Variants in NCKAP5 observed in about 807,000 individuals in gnomAD.
NCKAP5 encodes NCK associated protein 5, also known as nck-associated protein 5.
NCKAP5 carries 92 observed loss-of-function variants against 167.0 expected under a neutral mutation model. The observed-to-expected ratio is 0.55, with a 90% confidence interval of 0.47 to 0.66. The LOEUF is 0.66. NCKAP5 is among the 30% of genes least tolerant of loss of function. The pLI, the probability that NCKAP5 is intolerant of heterozygous loss-of-function variation, is 0.00. For synonymous variants in NCKAP5, 891 were observed against 877.4 expected (o/e 1.02, Z -0.27); for missense variants, 2,378 against 2,315.0 (o/e 1.03, Z -0.56).
In NCKAP5 at chr2:133,323,791, T is replaced by A. The variant is rs573656687; in HGVS notation, c.70-20681A>T. ...AATCACTGTCCCAGCCAAATCACAT[T>A]TGTAAAGGCTGAGGCTCTGTGGACA... On this transcript the variant is annotated intron_variant, in intron 3 of 19. Transcript: ENST00000409261. 1.4e-4 allele frequency among the ~76,000 whole-genome samples: 22 copies of A among 152,306 alleles called. No homozygotes were observed. In the South Asian group the frequency reaches 4.6e-3, roughly 32 times the overall value.
chr2:133,656,425 G>T, the NCKAP5 span, among the ~76,000 whole-genome samples: 2 of 152,180 alleles, frequency 1.3e-5, no homozygotes, highest in African/African-American at 2.4e-5. Flanking sequence ...ACGGAATCCT[G>T]TTATAACAAC....
At chr2:133,622,636 C>T in the NCKAP5 span, among the ~76,000 whole-genome samples, 4 of 152,050 alleles carry the variant, frequency 2.6e-5, no homozygotes, top group Non-Finnish European at 5.9e-5. Flanking sequence ...AACTACAAAA[C>T]ACTGTTGAAA....
intron 6 of NCKAP5, among the ~76,000 whole-genome samples, chr2:133,052,710 C>G (rs867230146): frequency 1.4e-5 from 2 of 147,824 alleles, no homozygotes; most frequent in Admixed American, 6.7e-5. Context: ...AAAAGAGAAA[C>G]TCTGTCACAA....
intron 19 of NCKAP5, among the ~76,000 whole-genome samples, chr2:132,719,627 AG>A (rs1246463918): frequency 2.0e-5 from 3 of 152,240 alleles, no homozygotes; most frequent in African/African-American, 7.2e-5. Context: ...GCAAATTGAC[AG>A]GGTCTAGGGA....
the NCKAP5 span, among the ~76,000 whole-genome samples, chr2:133,605,855 A>G: frequency 6.6e-6 from 1 of 152,186 alleles, no homozygotes; most frequent in East Asian, 1.9e-4. Context: ...CCAAGCTGCA[A>G]TGACCTGGGT....
chr2:133,054,399 T>C (rs2079719538), intron 6 of NCKAP5, among the ~76,000 whole-genome samples: 2 of 152,218 alleles, frequency 1.3e-5, no homozygotes, highest in African/African-American at 4.8e-5. Context: ...GGTTTACTGC[T>C]GGCTGAGGTG....
chr2:133,147,666 A>T (rs955565972), intron 5 of NCKAP5, among the ~76,000 whole-genome samples: 1 of 152,128 alleles, frequency 6.6e-6, no homozygotes, highest in Non-Finnish European at 1.5e-5. Flanking sequence ...CATATGGATG[A>T]GCAACATCTA....
At chr2:133,390,929 G>T (rs543057648) in intron 3 of NCKAP5, among the ~76,000 whole-genome samples, 1 of 152,190 alleles carries the variant, frequency 6.6e-6, no homozygotes, top group Non-Finnish European at 1.5e-5. Context: ...CATGCAGAGT[G>T]TATTTATTGG....
At chr2:133,438,167 A>G (rs1207062597) in intron 3 of NCKAP5, among the ~76,000 whole-genome samples, 1 of 152,102 alleles carries the variant, frequency 6.6e-6, no homozygotes. Flanking sequence ...GAAAATACCA[A>G]CCCAGGACTC....
chr2:133,558,803 G>C (rs1687953175), intron 2 of NCKAP5, among the ~76,000 whole-genome samples: 1 of 145,186 alleles, frequency 6.9e-6, no homozygotes, highest in Non-Finnish European at 1.5e-5. Context: ...CTCTGTAGTT[G>C]TTTTGGAGTG....
chr2:133,573,322 G>A (rs1688932687), upstream of NCKAP5, among the ~76,000 whole-genome samples: 1 of 151,874 alleles, frequency 6.6e-6, no homozygotes, highest in Non-Finnish European at 1.5e-5. Context: ...TCCCTCCTGA[G>A]AGGAGTGAGG....
chr2:132,877,692 T>A (rs376239797), intron 9 of NCKAP5, among the ~76,000 whole-genome samples: 1 of 152,198 alleles, frequency 6.6e-6, no homozygotes, highest in Non-Finnish European at 1.5e-5. Context: ...AAGAGTTATA[T>A]ACGGCGTTAC....
chr2:132,689,887 ATCTAACTG>A (rs1558925884), intron 19 of NCKAP5, among the ~76,000 whole-genome samples: 1 of 152,192 alleles, frequency 6.6e-6, no homozygotes, highest in Non-Finnish European at 1.5e-5. Flanking sequence ...CCTATATTAT[ATCTAACTG>A]TCTGCTAATG....
intron 11 of NCKAP5, among the ~76,000 whole-genome samples, chr2:132,799,690 C>A (rs1207873357): frequency 6.6e-6 from 1 of 151,718 alleles, no homozygotes; most frequent in Non-Finnish European, 1.5e-5. Flanking sequence ...ACATATAAGG[C>A]AAATAAAAAT....
chr2:132,680,398 T>C (rs564206198), intron 19 of NCKAP5, among the ~76,000 whole-genome samples: 2 of 152,272 alleles, frequency 1.3e-5, no homozygotes, highest in South Asian at 4.1e-4. Flanking sequence ...AGATGTGCTT[T>C]TATGACTATA....
intron 3 of NCKAP5, among the ~76,000 whole-genome samples, chr2:133,428,641 G>A (rs1321564598): frequency 2.0e-5 from 3 of 152,164 alleles, no homozygotes; most frequent in East Asian, 1.9e-4. Context: ...AACTCATCAC[G>A]TGTTTACACA....
intron 6 of NCKAP5, among the ~76,000 whole-genome samples, chr2:133,056,086 A>G (rs115645131): frequency 0.012 from 1,880 of 152,254 alleles, 28 homozygotes; most frequent in African/African-American, 0.042. Flanking sequence ...CAGGCAGGAA[A>G]GTTATATGAT....
chr2:133,131,967 C>CA (rs3051214), intron 5 of NCKAP5, among the ~76,000 whole-genome samples: 53,364 of 148,168 alleles, frequency 0.36, 9,350 homozygotes, highest in African/African-American at 0.38. Flanking sequence ...AGAAACAGGC[C>CA]AAAAAAAAAA....
chr2:133,656,037 C>T, the NCKAP5 span, among the ~76,000 whole-genome samples: 21 of 152,266 alleles, frequency 1.4e-4, no homozygotes, highest in African/African-American at 4.1e-4. Flanking sequence ...TTTCTTCTTA[C>T]GGATTTTCAA....
Sources: allele counts gnomAD v4.1 joint callset (sites outside exome capture counted in the v4.1 genomes callset), GRCh38; gene constraint gnomAD v4.1.1; transcripts MANE v1.5; gene names NCBI Gene and HGNC (gene_info 2026-07-23, HGNC 2026-07-21).